The following TTLL6 variants were observed in gnomAD, a reference collection of about 807,000 sequenced individuals.
TTLL6 encodes tubulin tyrosine ligase like 6.
In TTLL6, 75 loss-of-function variants were observed where a neutral mutation model predicts 96.4. The observed-to-expected ratio is 0.78, with a 90% CI of 0.65 to 0.94. TTLL6 has a LOEUF of 0.94. TTLL6 is among the 40% of genes least tolerant of loss of function. The probability of loss-of-function intolerance (pLI) is 0.00; values close to 1 mark genes in which losing one functional copy is unlikely to be tolerated. For synonymous variants in TTLL6, 411 were observed against 419.4 expected (o/e 0.98, Z 0.24); for missense variants, 1,030 against 1,093.0 (o/e 0.94, Z 0.81).
At chr17:48,794,327 G>C in intron 8 of TTLL6, 1 of 1,602,862 alleles carries the variant, frequency 6.2e-7, no homozygotes, top group Non-Finnish European at 8.5e-7. Flanking sequence ...CTTAGACTAA[G>C]GAAAAATGAC....
At chr17:48,788,231 C>T (rs1012306057) in intron 10 of TTLL6, among the ~76,000 whole-genome samples, 1 of 152,232 alleles carries the variant, frequency 6.6e-6, no homozygotes, top group African/African-American at 2.4e-5. Flanking sequence ...GTCTTTCTAA[C>T]AACTCACCAA....
At chr17:48,814,458 CT>C (rs1277130318) in intron 1 of TTLL6, among the ~76,000 whole-genome samples, 3 of 152,050 alleles carry the variant, frequency 2.0e-5, no homozygotes, top group African/African-American at 7.2e-5. Context: ...ATTAGTCCAC[CT>C]TTCCAAGTAG....
intron 15 of TTLL6, among the ~76,000 whole-genome samples, chr17:48,766,050 C>A (rs2038597685): frequency 6.6e-6 from 1 of 152,204 alleles, no homozygotes; most frequent in South Asian, 2.1e-4. Context: ...GGGAATCTAG[C>A]CCACGTTGCT....
At chr17:48,804,204 T>G in intron 2 of TTLL6, 1 of 561,236 alleles carries the variant, frequency 1.8e-6, no homozygotes, top group African/African-American at 1.9e-5. Context: ...ACTAACATCA[T>G]TGCCTCAAGC....
intron 1 of TTLL6, among the ~76,000 whole-genome samples, chr17:48,812,959 A>G (rs1406435678): frequency 6.6e-6 from 1 of 152,210 alleles, no homozygotes; most frequent in Admixed American, 6.5e-5. Context: ...AGACTATTGA[A>G]AACCCACTTA....
intron 10 of TTLL6, among the ~76,000 whole-genome samples, chr17:48,789,666 T>A (rs923245180): frequency 6.6e-6 from 1 of 152,146 alleles, no homozygotes; most frequent in Non-Finnish European, 1.5e-5. Context: ...GCAATTCTCC[T>A]GCCTCAGTCT....
intron 3 of TTLL6, among the ~76,000 whole-genome samples, chr17:48,802,741 T>C (rs1337740769): frequency 6.6e-6 from 1 of 152,170 alleles, no homozygotes; most frequent in Non-Finnish European, 1.5e-5. Context: ...CATGGTGGTG[T>C]GCACCTGTAC....
In TTLL6 at chr17:48,769,870, C is replaced by T. The variant is rs778580223; in HGVS notation, c.2268G>A (p.Pro756=). The T allele has an allele frequency of 9.3e-6, 15 of 1,614,068 alleles. No homozygotes were observed. The highest frequency in any genetic ancestry group is 4.5e-5 in the East Asian group (2 of 44,902). The change falls in exon 14 of 16, where the codon CCG becomes CCA. Residue 756 remains proline (P), a synonymous_variant. Coordinates refer to ENST00000393382, the MANE Select transcript of TTLL6 (RefSeq NM_001130918.3). ...PTKSKSFWES[P]NTNWTLLKSD... is the part of the protein sequence containing the mutation. ...TCTTTAGCAAAGTCCAGTTTGTGTT[C>T]GGACTCTCCCAGAAGCTCTTGGATT...
At chr17:48,794,657 G>T (rs2039286987) in intron 8 of TTLL6, among the ~76,000 whole-genome samples, 1 of 152,186 alleles carries the variant, frequency 6.6e-6, no homozygotes, top group South Asian at 2.1e-4. Flanking sequence ...TTCTGGAAAA[G>T]GGGGAGACTG....
At chr17:48,816,734 G>A (rs2039672545) in intron 1 of TTLL6, among the ~76,000 whole-genome samples, 1 of 152,172 alleles carries the variant, frequency 6.6e-6, no homozygotes, top group African/African-American at 2.4e-5. Context: ...TAGGAAATCG[G>A]GGGAGGGCGG....
At chr17:48,809,711 C>G (rs1278491970) in intron 1 of TTLL6, among the ~76,000 whole-genome samples, 1 of 152,064 alleles carries the variant, frequency 6.6e-6, no homozygotes, top group Non-Finnish European at 1.5e-5. Flanking sequence ...AAAAAATTAG[C>G]TGAGTGCAGT....
At position 48,797,080 on chromosome 17, in the gene TTLL6, C is replaced by T. The variant is rs149873082; in HGVS notation, c.893G>A (p.Arg298His). 9,905 of 1,550,878 alleles carry T rather than the reference C, an allele frequency of 6.4e-3. 42 individuals carry two copies. The highest frequency in any genetic ancestry group is 8.0e-3 in the Non-Finnish European group (9,198 of 1,146,814). ...GCTCACCAGGTTGTCTGTGCAAGGG[C>T]GGGAGTAAGAGGTCGTCGCAAAGCG... ...LARFATTSYS[R>H]PCTDNLDDIC... The change falls in exon 7 of 16, where the codon CGC (arginine) becomes CAC (histidine). Residue 298 changes from arginine (R) to histidine (H), a missense_variant. Physicochemically the swap from Arg to His is conservative, Grantham distance 29. Transcript: ENST00000393382.
At chr17:48,799,349 C>T (rs1399114258) in intron 6 of TTLL6, among the ~76,000 whole-genome samples, 2 of 152,232 alleles carry the variant, frequency 1.3e-5, no homozygotes, top group African/African-American at 4.8e-5. Flanking sequence ...TCTCCTAGCC[C>T]TAATGTGTTA....
At chr17:48,789,376 T>C (rs987770603) in intron 10 of TTLL6, among the ~76,000 whole-genome samples, 1 of 152,238 alleles carries the variant, frequency 6.6e-6, no homozygotes, top group African/African-American at 2.4e-5. Context: ...CTTCGATATA[T>C]ATTATAGTGC....
chr17:48,772,729 CAAA>C (rs34457188), intron 13 of TTLL6, among the ~76,000 whole-genome samples: 1 of 62,656 alleles, frequency 1.6e-5, no homozygotes, highest in Non-Finnish European at 3.4e-5. Flanking sequence ...GACTCCGTCT[CAAA>C]AAAAAAAAAA....
chr17:48,769,236 C>A lies in TTLL6; in HGVS notation c.2429G>T (p.Gly810Val). The change falls in exon 15 of 16, where the codon GGG becomes GTG. Residue 810 changes from glycine to valine, a missense_variant. Gly to Val is a moderately radical substitution (Grantham distance 109). Transcript: ENST00000393382. ...GCTGTCACTGCGGGAGTGGCACTCC[C>A]CAGGCAGGGAGGGGTTTTCTGGAAA... ...NNLSQNPSLPGECHSRSDSSG... is the reference protein window; with the variant it reads ...NNLSQNPSLPVECHSRSDSSG... 1 of 1,605,286 alleles carries A rather than the reference C, an allele frequency of 6.2e-7. No individual in the cohort carries two copies. Among genetic ancestry groups the A allele is most frequent in the Non-Finnish European group, 8.5e-7 (1 of 1,173,792 alleles).
chr17:48,797,735 C>T (rs1396651373), intron 6 of TTLL6, among the ~76,000 whole-genome samples: 2 of 142,104 alleles, frequency 1.4e-5, no homozygotes, highest in Non-Finnish European at 3.0e-5. Flanking sequence ...TTGCAGCAAG[C>T]CAAGTTCACG....
rs539624706 is a variant in TTLL6, at chr17:48,762,614, C to T, written c.*360G>A. On this transcript the variant is annotated 3_prime_UTR_variant, in exon 16 of 16. Coordinates refer to ENST00000393382, the MANE Select transcript of TTLL6 (RefSeq NM_001130918.3). ...CTTTTGACTCCTGGAAATCATGAGT[C>T]CTTCTCTGAAACACTACTCCCGAAG... is the stretch of plus-strand genomic sequence containing the variant. 20 of 203,668 alleles carry T rather than the reference C, an allele frequency of 9.8e-5. No individual in the cohort carries two copies. In the East Asian group the frequency reaches 2.9e-3, roughly 30 times the overall value. The allele number at this position is 203,668 out of a possible 1,614,324, so 12.6% of individuals were successfully genotyped here.
chr17:48,768,960 A>G (rs1401874991), intron 15 of TTLL6, 29 bp downstream of exon 15: 2 of 1,600,660 alleles, frequency 1.2e-6, no homozygotes, highest in Non-Finnish European at 1.7e-6. Context: ...AACGCACCAA[A>G]TTCATTAAGG....
Sources: allele counts gnomAD v4.1 joint callset (sites outside exome capture counted in the v4.1 genomes callset), GRCh38; gene constraint gnomAD v4.1.1; transcripts MANE v1.5; gene names NCBI Gene and HGNC (gene_info 2026-07-23, HGNC 2026-07-21).